The following SGO2 variants were observed in gnomAD, a reference collection of about 807,000 sequenced individuals.
The protein encoded by SGO2 is shugoshin-like 2.
A neutral mutation model predicts 99.5 loss-of-function variants in SGO2; 68 were observed. The observed-to-expected ratio is 0.68, with a 90% CI of 0.56 to 0.84. The LOEUF (loss-of-function observed/expected upper bound fraction) is 0.84, where lower values mean the gene tolerates loss of function less well. SGO2 is among the 40% of genes least tolerant of loss of function. SGO2 has a pLI of 0.00. For missense variants in SGO2, 1,350 were observed against 1,436.7 expected (o/e 0.94, Z 0.97); for synonymous variants, 457 against 487.1 (o/e 0.94, Z 0.81).
At chr2:200,558,269 G>T (rs1197068567) in intron 5 of SGO2, among the ~76,000 whole-genome samples, 1 of 152,022 alleles carries the variant, frequency 6.6e-6, no homozygotes, top group African/African-American at 2.4e-5. Flanking sequence ...CTGCTCTTGG[G>T]TTTTTGTAGA....
chr2:200,555,063 G>A (rs1099019), intron 5 of SGO2, among the ~76,000 whole-genome samples: 38,283 of 151,956 alleles, frequency 0.25, 4,960 homozygotes, highest in South Asian at 0.33. Context: ...CAACTTGCTC[G>A]AATCTTCAGC....
chr2:200,561,877 T>C (rs1482351544), intron 5 of SGO2, among the ~76,000 whole-genome samples: 1 of 152,046 alleles, frequency 6.6e-6, no homozygotes, highest in African/African-American at 2.4e-5. Context: ...GTGTCTGTTA[T>C]CCTTCACCCA....
chr2:200,572,531 T>A lies in SGO2; in HGVS notation c.2185T>A (p.Leu729Ile). The A allele has an allele frequency of 6.2e-7, 1 of 1,612,278 alleles. No individual in the cohort carries two copies. The highest frequency in any genetic ancestry group is 8.5e-7 in the Non-Finnish European group (1 of 1,178,922). The change falls in exon 7 of 9, where the codon TTA (leucine) becomes ATA (isoleucine). Residue 729 changes from leucine to isoleucine, a missense_variant. Physicochemically the swap from Leu to Ile is conservative, Grantham distance 5. Coordinates refer to ENST00000357799, the MANE Select transcript of SGO2 (RefSeq NM_152524.6). ...KTEIISEVNH[L>I]DNDKSIEYTV... ...AGAAATAATTTCTGAAGTGAATCAT[T>A]TAGATAATGACAAAAGTATAGAATA... is the stretch of plus-strand genomic sequence containing the variant.
intron 2 of SGO2, 47 bp downstream of exon 2, chr2:200,533,155 C>A: frequency 6.7e-7 from 1 of 1,497,132 alleles, no homozygotes; most frequent in Non-Finnish European, 8.9e-7. Context: ...AACTTTTCCC[C>A]AGAATTGTTA....
chr2:200,566,571 T>C (rs2106338521), intron 5 of SGO2, among the ~76,000 whole-genome samples: 1 of 152,262 alleles, frequency 6.6e-6, no homozygotes, highest in South Asian at 2.1e-4. Context: ...AACCCTGGGC[T>C]GGGGGAACGA....
Position 200,572,257 on chromosome 2 carries a change from G to A in SGO2, c.1911G>A (p.Val637=), listed in dbSNP as rs1364187461. ...NHMYEDNDKD[V]VHGLKKGNFF... ...TGTATGAGGATAATGATAAAGATGT[G>A]GTGCATGGCCTAAAAAAAGGTAATT... The change falls in exon 7 of 9, where the codon GTG becomes GTA. Residue 637 remains valine (V), a synonymous_variant. Transcript: ENST00000357799. The A allele has an allele frequency of 6.2e-7, 1 of 1,611,440 alleles. No homozygotes were observed. Among genetic ancestry groups the A allele is most frequent in the African/African-American group, 1.3e-5 (1 of 74,704 alleles).
chr2:200,536,348 A>G (rs1275807634), intron 4 of SGO2, among the ~76,000 whole-genome samples: 2 of 152,154 alleles, frequency 1.3e-5, no homozygotes, highest in Admixed American at 1.3e-4. Context: ...GGTTTTTATT[A>G]AAAGTAACAG....
At chr2:200,575,978 G>A in intron 8 of SGO2, 1 of 269,794 alleles carries the variant, frequency 3.7e-6, no homozygotes, top group South Asian at 3.4e-5. Flanking sequence ...TTTGCTTCAT[G>A]TATCCTTTTT....
chr2:200,542,329 T>C (rs2032001657), intron 4 of SGO2, among the ~76,000 whole-genome samples: 1 of 152,226 alleles, frequency 6.6e-6, no homozygotes, highest in Middle Eastern at 3.2e-3. Flanking sequence ...TATAGTCATG[T>C]ATTTATTCCT....
At chr2:200,557,024 G>A (rs1177710055) in intron 5 of SGO2, among the ~76,000 whole-genome samples, 1 of 152,230 alleles carries the variant, frequency 6.6e-6, no homozygotes, top group East Asian at 1.9e-4. Flanking sequence ...CAGCTCTCAG[G>A]TTTCCCCCTT....
At position 200,571,938 on chromosome 2, in the gene SGO2, G is replaced by C. The variant is rs1162171637; in HGVS notation, c.1592G>C (p.Ser531Thr). 2 of 1,612,178 alleles carry C rather than the reference G, an allele frequency of 1.2e-6. No individual in the cohort carries two copies. The highest frequency in any genetic ancestry group is 2.7e-5 in the African/African-American group (2 of 74,756). Residue 531 changes from serine to threonine, a missense_variant, in exon 7 of 9, where the codon AGT (serine) becomes ACT (threonine). By Grantham distance (58) the Ser-to-Thr change is moderately conservative. Coordinates refer to ENST00000357799, the MANE Select transcript of SGO2 (RefSeq NM_152524.6). ...KGQNSLTCNK[S>T]KASRQTFVIH... ...CAGAATTCCCTAACTTGTAATAAAA[G>C]TAAAGCTTCTAGACAGACATTTGTG...
rs775507777 is a variant in SGO2, at chr2:200,536,136, T to C, written c.381T>C (p.Leu127=). 6.3e-7 allele frequency: 1 copy of C among 1,588,138 alleles called. No homozygotes were observed. The highest frequency in any genetic ancestry group is 1.7e-5 in the Admixed American group (1 of 59,376). Residue 127 remains leucine (L), a synonymous_variant, in exon 4 of 9, where the codon CTT becomes CTC. Coordinates refer to ENST00000357799, the MANE Select transcript of SGO2 (RefSeq NM_152524.6). The stretch of plus-strand genomic sequence containing the variant: ...TAACTGCAATTGAAATGAGCAGTCT[T>C]TCTGAGGTAAGTAGAATTTATATGT... The part of the protein sequence containing the change: ...NLITAIEMSS[L]SEFHQSSFLL...
rs1273911144 is a variant in SGO2 at position 200,573,603 on chromosome 2, T to C, written c.3257T>C (p.Ile1086Thr). ...AAGTCAAAGAAAAGGAAGACCTCCA[T>C]AGATCCTTCTCCAGAGAGCCATGAA... Reference protein sequence around the residue: ...TSKSKKRKTSIDPSPESHEVM... With the variant: ...TSKSKKRKTSTDPSPESHEVM... Residue 1086 changes from isoleucine (I) to threonine (T), a missense_variant, in exon 7 of 9, where the codon ATA becomes ACA. Ile to Thr is a moderately conservative substitution (Grantham distance 89). Transcript: ENST00000357799. 1.2e-6 allele frequency: 2 copies of C among 1,610,394 alleles called. No individual in the cohort carries two copies. Among genetic ancestry groups the C allele is most frequent in the African/African-American group, 1.3e-5 (1 of 74,558 alleles).
At chr2:200,547,806 G>A (rs1428858640) in intron 5 of SGO2, among the ~76,000 whole-genome samples, 1 of 151,902 alleles carries the variant, frequency 6.6e-6, no homozygotes, top group East Asian at 1.9e-4. Context: ...GAGAAGGGCT[G>A]GAAAAAGATA....
chr2:200,546,330 G>A (rs189217250), intron 5 of SGO2, among the ~76,000 whole-genome samples: 56 of 140,056 alleles, frequency 4.0e-4, no homozygotes, highest in African/African-American at 1.4e-3. Context: ...TCCAGCCTGG[G>A]CTATCGAGCG....
chr2:200,540,669 C>T (rs2031921234), intron 4 of SGO2, among the ~76,000 whole-genome samples: 1 of 152,204 alleles, frequency 6.6e-6, no homozygotes, highest in South Asian at 2.1e-4. Flanking sequence ...TCCTTCTTAT[C>T]ACTGAATGGG....
At chr2:200,535,978 C>T in intron 3 of SGO2, 87 bp from the exon 4 acceptor site, 1 of 794,168 alleles carries the variant, frequency 1.3e-6, no homozygotes, top group Non-Finnish European at 1.9e-6. Context: ...TAAGTTTTCT[C>T]ACATGGATGG....
At chr2:200,555,947 A>G (rs2032694784) in intron 5 of SGO2, among the ~76,000 whole-genome samples, 1 of 152,040 alleles carries the variant, frequency 6.6e-6, no homozygotes, top group Non-Finnish European at 1.5e-5. Flanking sequence ...AGGCTGTTAG[A>G]GCTTGAATAT....
chr2:200,565,449 T>C (rs2033149687), intron 5 of SGO2, among the ~76,000 whole-genome samples: 1 of 152,252 alleles, frequency 6.6e-6, no homozygotes, highest in South Asian at 2.1e-4. Flanking sequence ...TCTAATGGGC[T>C]TCCCTTTGTG....
Sources: gnomAD v4.1 joint callset for allele counts (sites outside exome capture counted in the v4.1 genomes callset) on GRCh38, gnomAD v4.1.1 for gene constraint, MANE v1.5 for transcripts, NCBI Gene and HGNC (gene_info 2026-07-23, HGNC 2026-07-21) for gene names.